Variants in LYST observed in about 807,000 individuals in gnomAD.
The protein encoded by LYST is lysosomal-trafficking regulator.
In LYST, 192 loss-of-function variants were observed where a neutral mutation model predicts 413.6. That is an observed-to-expected ratio of 0.46 (90% CI 0.41 to 0.52). The LOEUF (loss-of-function observed/expected upper bound fraction) is 0.52, where lower values mean the gene tolerates loss of function less well. Ranked by LOEUF, LYST falls within the 20% of genes least tolerant of loss-of-function variation. The pLI, the probability that LYST is intolerant of heterozygous loss-of-function variation, is 0.00. For missense variants in LYST, 3,815 were observed against 4,499.9 expected (o/e 0.85, Z 4.35); for synonymous variants, 1,525 against 1,567.3 (o/e 0.97, Z 0.64).
chr1:235,705,757 G>T (rs952174176), intron 44 of LYST, among the ~76,000 whole-genome samples: 3 of 151,788 alleles, frequency 2.0e-5, no homozygotes, highest in African/African-American at 7.3e-5. Flanking sequence ...AACAAAAAGG[G>T]TATAATGAAG....
In LYST at chr1:235,800,113, C is replaced by T. The variant is rs1193861082; in HGVS notation, c.4006+207G>A. 2.6e-5 allele frequency among the ~76,000 whole-genome samples: 4 copies of T among 151,224 alleles called. No homozygotes were observed. The South Asian group carries it at 8.4e-4, about 32-fold the overall frequency. Reference sequence around the variant, plus strand: ...CTAGGACCACAGACATGCACCACCACACCTGGCTAATTTTTATAGAGACAG... The same window carrying T: ...CTAGGACCACAGACATGCACCACCATACCTGGCTAATTTTTATAGAGACAG... On this transcript the variant is annotated intron_variant, in intron 10 of 52. Transcript: ENST00000389793.
At position 235,824,621 on chromosome 1, in the gene LYST, T is replaced by C. The variant is rs572595542; in HGVS notation, c.192+5605A>G. Among the ~76,000 whole-genome samples, 23 of 152,374 alleles carry C rather than the reference T, an allele frequency of 1.5e-4. No homozygotes were observed. In the East Asian group the frequency reaches 3.7e-3, roughly 24 times the overall value. ...TGTCATCTTTAACCATTAAAAAGAATGTTTTTGATATTTAAAAAGAGTATT... is the reference window on the plus strand; with the variant it reads ...TGTCATCTTTAACCATTAAAAAGAACGTTTTTGATATTTAAAAAGAGTATT... On this transcript the variant is annotated intron_variant, in intron 3 of 52. Transcript: ENST00000389793.
chr1:235,766,613 T>C (rs1668175056), intron 20 of LYST, among the ~76,000 whole-genome samples: 1 of 152,162 alleles, frequency 6.6e-6, no homozygotes, highest in Admixed American at 6.5e-5. Context: ...AGCCATGTGA[T>C]CTTAGGTAAG....
chr1:235,679,559 T>A (rs1278742099), intron 48 of LYST, among the ~76,000 whole-genome samples: 3 of 152,178 alleles, frequency 2.0e-5, no homozygotes, highest in Non-Finnish European at 4.4e-5. Flanking sequence ...TTTTGTGTAT[T>A]TGTCACTACA....
At chr1:235,678,896 T>G (rs1371066657) in intron 48 of LYST, among the ~76,000 whole-genome samples, 4 of 152,190 alleles carry the variant, frequency 2.6e-5, no homozygotes, top group African/African-American at 9.7e-5. Flanking sequence ...TGGTATTATT[T>G]TTTAGGTATC....
chr1:235,829,511 T>G (rs1430410561), intron 3 of LYST: 1 of 152,196 alleles, frequency 6.6e-6, no homozygotes, highest in Non-Finnish European at 1.5e-5. Context: ...GAAAGCAGAT[T>G]GTAGAGTTTT....
intron 47 of LYST, among the ~76,000 whole-genome samples, chr1:235,692,928 G>A (rs532350040): frequency 1.1e-3 from 167 of 152,188 alleles, no homozygotes; most frequent in Non-Finnish European, 2.0e-3. Context: ...AGCTGAGGGA[G>A]GAGGATCACT....
At chr1:235,756,919 G>T (rs1002172591) in intron 24 of LYST, among the ~76,000 whole-genome samples, 3 of 152,114 alleles carry the variant, frequency 2.0e-5, no homozygotes, top group African/African-American at 7.2e-5. Context: ...CTGAAGAAGA[G>T]ATTTCCAATG....
At position 235,709,195 on chromosome 1, in the gene LYST, A is replaced by C. The variant is rs766043149; in HGVS notation, c.10039T>G (p.Ser3347Ala). The C allele has an allele frequency of 6.2e-7, 1 of 1,613,956 alleles. No individual in the cohort carries two copies. Among genetic ancestry groups the C allele is most frequent in the Non-Finnish European group, 8.5e-7 (1 of 1,179,910 alleles). ...CAGATGTTCTGCGACACGTAGTCAG[A>C]CTCTAGAGCCTGCCGATGGATGAGG... ...FILIHRQALE[S>A]DYVSQNICQW... The change falls in exon 44 of 53, where the codon TCT (serine) becomes GCT (alanine). Residue 3347 changes from serine to alanine, a missense_variant. Ser to Ala is a moderately conservative substitution (Grantham distance 99). Coordinates refer to ENST00000389793, the MANE Select transcript of LYST (RefSeq NM_000081.4).
At chr1:235,705,158 CACA>C (rs1471018887) in intron 44 of LYST, among the ~76,000 whole-genome samples, 2 of 152,126 alleles carry the variant, frequency 1.3e-5, no homozygotes, top group African/African-American at 4.8e-5. Flanking sequence ...CCTAAGGTCA[CACA>C]ACAAGTGGCA....
At position 235,741,503 on chromosome 1, in the gene LYST, T is replaced by C. The variant is rs2103258870; in HGVS notation, c.8277A>G (p.Gln2759=). The part of the protein sequence containing the change: ...VHILSPAHAA[Q]ERKQIFEIVH... ...CTATTTCAAAAATTTGCTTTCTCTC[T>C]TGTGCAGCGTGGGCTGGCGACAAAA... Residue 2759 remains glutamine (Q), a synonymous_variant, in exon 31 of 53, where the codon CAA becomes CAG. Coordinates refer to ENST00000389793, the MANE Select transcript of LYST (RefSeq NM_000081.4). 1 of 1,614,172 alleles carries C rather than the reference T, an allele frequency of 6.2e-7. No individual in the cohort carries two copies. The highest frequency in any genetic ancestry group is 8.5e-7 in the Non-Finnish European group (1 of 1,180,004).
intron 21 of LYST, 145 bp from the exon 22 acceptor site, chr1:235,762,996 C>T (rs1268315639): frequency 1.5e-6 from 1 of 653,448 alleles, no homozygotes. Context: ...TATTAAGGCA[C>T]ACGATATGTG....
chr1:235,688,205 A>C (rs1660364698), intron 47 of LYST, among the ~76,000 whole-genome samples: 1 of 152,244 alleles, frequency 6.6e-6, no homozygotes, highest in East Asian at 1.9e-4. Flanking sequence ...CCAGTGAATC[A>C]ACCTAAGTTA....
At chr1:235,845,564 G>C (rs184237667) in intron 1 of LYST, among the ~76,000 whole-genome samples, 1 of 152,132 alleles carries the variant, frequency 6.6e-6, no homozygotes. Flanking sequence ...CTTTTCTTTC[G>C]TAGCTGAGAG....
At chr1:235,672,996 C>A (rs931278985) in intron 50 of LYST, among the ~76,000 whole-genome samples, 1 of 152,184 alleles carries the variant, frequency 6.6e-6, no homozygotes, top group South Asian at 2.1e-4. Context: ...ACCCGGAGAT[C>A]ACATCCTTAT....
rs560724911 is a variant in LYST at position 235,809,208 on chromosome 1, G to A, written c.1610C>T (p.Ala537Val). The change falls in exon 5 of 53, where the codon GCA becomes GTA. Residue 537 changes from alanine to valine, a missense_variant. Ala to Val is a moderately conservative substitution (Grantham distance 64). This residue lies in a region of LYST where 1,648 missense variants were observed against 1,810.3 expected (regional missense o/e 0.91). Coordinates refer to ENST00000389793, the MANE Select transcript of LYST (RefSeq NM_000081.4). This position sits in a 1 kb window ranked among gnomAD's most constrained non-coding sequence, Gnocchi z 4.0. Reference sequence around the variant, plus strand: ...CTCAGGATAATAAACATCTCCATCTGCAGTCTCTTCAAATGGGTTTTTGGA... The same window carrying A: ...CTCAGGATAATAAACATCTCCATCTACAGTCTCTTCAAATGGGTTTTTGGA... ...QVSKNPFEET[A>V]DGDVYYPERC... The A allele has an allele frequency of 4.8e-5, 78 of 1,613,950 alleles. No homozygotes were observed. The African/African-American group carries it at 9.1e-4, about 19-fold the overall frequency.
chr1:235,812,965 G>T lies in LYST; in HGVS notation c.283+6C>A. The T allele has an allele frequency of 6.3e-7, 1 of 1,583,140 alleles. No homozygotes were observed. Among genetic ancestry groups the T allele is most frequent in the Non-Finnish European group, 8.7e-7 (1 of 1,152,116 alleles). On this transcript the variant is annotated splice_donor_region_variant and intron_variant, in intron 4 of 52. Transcript: ENST00000389793. ...ACAAGTGATATGATAAAGGGAAAAA[G>T]CATACCTGTTGCCTTTTCTTCTTGG...
intron 1 of LYST, among the ~76,000 whole-genome samples, chr1:235,836,154 CACAA>C (rs1049240025): frequency 3.9e-5 from 6 of 152,142 alleles, no homozygotes; most frequent in African/African-American, 1.4e-4. Context: ...AACATACATA[CACAA>C]ACACTGATTT....
At chr1:235,833,993 C>T (rs898219995) in intron 1 of LYST, among the ~76,000 whole-genome samples, 10 of 152,078 alleles carry the variant, frequency 6.6e-5, no homozygotes, top group South Asian at 2.1e-4. Context: ...TAGGAGGCAG[C>T]GGAATATCTA....
Sources: gnomAD v4.1 joint callset for allele counts (sites outside exome capture counted in the v4.1 genomes callset) on GRCh38, gnomAD v4.1.1 for gene constraint, gnomAD v4.1.1 regional missense constraint, Gnocchi (gnomAD v3.1) non-coding constraint, MANE v1.5 for transcripts, NCBI Gene and HGNC (gene_info 2026-07-23, HGNC 2026-07-21) for gene names.